Variants in ASAP2 observed in about 807,000 individuals in gnomAD.
The protein encoded by ASAP2 is ArfGAP with SH3 domain, ankyrin repeat and PH domain 2.
Under a neutral mutation model 131.4 loss-of-function variants are expected in ASAP2, and 45 were observed. The ratio of observed to expected loss-of-function variants is 0.34; its 90% CI spans 0.27 to 0.44. The LOEUF is 0.44. Among genes scored for constraint, ASAP2 ranks in the 20% least tolerant of loss-of-function variants. The probability of loss-of-function intolerance (pLI) is 1.00; values close to 1 mark genes in which losing one functional copy is unlikely to be tolerated. For missense variants in ASAP2, 1,011 were observed against 1,297.0 expected (o/e 0.78, Z 3.39); for synonymous variants, 510 against 503.0 (o/e 1.01, Z -0.19).
Position 9,311,043 on chromosome 2 carries a change from G to GT in ASAP2, c.346-7481_346-7480insT, listed in dbSNP as rs1410364101. Among the ~76,000 whole-genome samples, 1 of 151,952 alleles carries GT rather than the reference G, an allele frequency of 6.6e-6. No individual in the cohort carries two copies. The highest frequency in any genetic ancestry group is 1.5e-5 in the Non-Finnish European group (1 of 68,006). ...TGTCAGACATATCCAAGTGAACTCG[G>GT]GGGGAAAAGCTAAGACAGGAAGTAG... On this transcript the variant is annotated intron_variant, in intron 3 of 27. Transcript: ENST00000281419. This position sits in a 1 kb window ranked among gnomAD's most constrained non-coding sequence, Gnocchi z 5.2.
At chr2:9,308,727 C>G (rs367911320) in intron 3 of ASAP2, among the ~76,000 whole-genome samples, 1 of 152,090 alleles carries the variant, frequency 6.6e-6, no homozygotes, top group South Asian at 2.1e-4. Flanking sequence ...ACTGTTCTAG[C>G]CAACTCCGCT....
At chr2:9,305,266 T>C (rs1347182024) in intron 3 of ASAP2, among the ~76,000 whole-genome samples, 11 of 150,304 alleles carry the variant, frequency 7.3e-5, no homozygotes, top group African/African-American at 2.2e-4. Flanking sequence ...GGAGGGGCTG[T>C]AATAGTGGGG....
At chr2:9,306,247 A>G (rs1668932295) in intron 3 of ASAP2, among the ~76,000 whole-genome samples, 1 of 145,168 alleles carries the variant, frequency 6.9e-6, no homozygotes, top group Non-Finnish European at 1.5e-5. Flanking sequence ...GGGGGTGGAG[A>G]TATGGCCTGG....
chr2:9,315,598 G>A (rs1345129587), intron 3 of ASAP2, among the ~76,000 whole-genome samples: 2 of 152,018 alleles, frequency 1.3e-5, no homozygotes, highest in Non-Finnish European at 2.9e-5. Context: ...AGGGAAATGT[G>A]GCCCTGGAGG....
intron 9 of ASAP2, among the ~76,000 whole-genome samples, chr2:9,339,700 C>T (rs891244183): frequency 6.6e-6 from 1 of 151,992 alleles, no homozygotes; most frequent in African/African-American, 2.4e-5. Flanking sequence ...CTTGTTGGTC[C>T]GTCCTCTGGC....
At chr2:9,377,890 C>T (rs530004668) in intron 18 of ASAP2, among the ~76,000 whole-genome samples, 1 of 152,216 alleles carries the variant, frequency 6.6e-6, no homozygotes, top group East Asian at 1.9e-4. Flanking sequence ...GTGGAAGCTG[C>T]CCTGATGCCC....
At chr2:9,297,829 C>T (rs899225720) in intron 3 of ASAP2, among the ~76,000 whole-genome samples, 3 of 152,172 alleles carry the variant, frequency 2.0e-5, no homozygotes, top group African/African-American at 7.2e-5. Flanking sequence ...GCCCATCTTA[C>T]ACAGCAAGGT....
chr2:9,217,911 G>A lies in ASAP2; in HGVS notation c.126+10681G>A, dbSNP rs1189991751. ...TTACAGGTGTGAGCCACCACGCCTG[G>A]CTTTTTTTTTTTTTTACATGAAAAA... On this transcript the variant is annotated intron_variant, in intron 1 of 27. Transcript: ENST00000281419. This position sits in a 1 kb window ranked among gnomAD's most constrained non-coding sequence, Gnocchi z 4.0. 9.3e-6 allele frequency among the ~76,000 whole-genome samples: 1 copy of A among 107,782 alleles called. No individual in the cohort carries two copies. Among genetic ancestry groups the A allele is most frequent in the Non-Finnish European group, 1.9e-5 (1 of 53,246 alleles). 70.7% of individuals were successfully genotyped at this position (107,782 alleles called of 152,430 possible). A position where few individuals can be genotyped will look rare whatever the true frequency, so the allele number is the denominator to read the frequency against.
chr2:9,249,385 T>A (rs894159450), intron 1 of ASAP2, among the ~76,000 whole-genome samples: 1 of 152,212 alleles, frequency 6.6e-6, no homozygotes, highest in African/African-American at 2.4e-5. Flanking sequence ...TTCATTTCTC[T>A]GATGATTGTA....
chr2:9,258,832 A>G (rs951252785), intron 1 of ASAP2, among the ~76,000 whole-genome samples: 16 of 152,118 alleles, frequency 1.1e-4, no homozygotes, highest in African/African-American at 3.9e-4. Context: ...TCTCCTCTTC[A>G]CTTCTCAAAC....
intron 24 of ASAP2, among the ~76,000 whole-genome samples, chr2:9,396,280 A>G (rs1051846388): frequency 1.1e-4 from 16 of 151,996 alleles, no homozygotes; most frequent in African/African-American, 3.9e-4. Context: ...CCTGAGATCA[A>G]CTAGGTTGAC....
chr2:9,215,926 C>A (rs1159230696), intron 1 of ASAP2, among the ~76,000 whole-genome samples: 1 of 152,136 alleles, frequency 6.6e-6, no homozygotes, highest in African/African-American at 2.4e-5. Context: ...GGCAGCTTCT[C>A]ATCTGATCCC....
intron 1 of ASAP2, among the ~76,000 whole-genome samples, chr2:9,253,631 C>G (rs1427856611): frequency 6.6e-6 from 1 of 152,136 alleles, no homozygotes; most frequent in Non-Finnish European, 1.5e-5. Context: ...ACAATTTTGC[C>G]TTTCTTAGAA....
chr2:9,317,512 C>CA (rs1305039328), intron 3 of ASAP2, among the ~76,000 whole-genome samples: 8 of 150,674 alleles, frequency 5.3e-5, no homozygotes, highest in South Asian at 2.1e-4. Context: ...TACACCCCCA[C>CA]AATCACACCC....
chr2:9,295,943 G>A (rs1270385841), intron 2 of ASAP2, among the ~76,000 whole-genome samples: 1 of 152,166 alleles, frequency 6.6e-6, no homozygotes, highest in Non-Finnish European at 1.5e-5. Flanking sequence ...TGCCCTCCAG[G>A]AACAAATGTT....
At chr2:9,256,759 A>G (rs1665192132) in intron 1 of ASAP2, among the ~76,000 whole-genome samples, 1 of 152,216 alleles carries the variant, frequency 6.6e-6, no homozygotes, top group Non-Finnish European at 1.5e-5. Context: ...GATGGTATGC[A>G]TTTGAGCAAT....
rs374579538 is a variant in ASAP2 at position 9,350,915 on chromosome 2, G to A, written c.1111+20G>A. On this transcript the variant is annotated intron_variant, in intron 12 of 27. Coordinates refer to ENST00000281419, the MANE Select transcript of ASAP2 (RefSeq NM_003887.3). ...TTTCACGTAAGGCTCCCTCTGAGAT[G>A]CCGCGCCATAGAGACGTTGTCTTAT... is the stretch of plus-strand genomic sequence containing the variant. The A allele has an allele frequency of 2.0e-5, 32 of 1,580,866 alleles. No individual in the cohort carries two copies. Among genetic ancestry groups the A allele is most frequent in the Non-Finnish European group, 2.8e-5 (32 of 1,154,254 alleles).
rs544625321 is a variant in ASAP2 at position 9,337,475 on chromosome 2, T to C, written c.849+2296T>C. ...GTCATTCCCTTTGGTTGGATTTTCT[T>C]CTGTGACTTAGACAACTGAAGGTGT... is the stretch of plus-strand genomic sequence containing the variant. On this transcript the variant is annotated intron_variant, in intron 9 of 27. Transcript: ENST00000281419. Among the ~76,000 whole-genome samples the C allele has an allele frequency of 4.6e-5, 7 of 152,352 alleles. No homozygotes were observed. In the South Asian group the frequency reaches 1.5e-3, roughly 32 times the overall value.
Position 9,374,294 on chromosome 2 carries a change from C to G in ASAP2, c.1557-461C>G, listed in dbSNP as rs1330226771. Reference sequence around the variant, plus strand: ...GTCATAGTCCATGCCCCAAGGAGCTCATGGGCCTGTCGGGCAGTGAGGCAG... The same window carrying G: ...GTCATAGTCCATGCCCCAAGGAGCTGATGGGCCTGTCGGGCAGTGAGGCAG... On this transcript the variant is annotated intron_variant, in intron 16 of 27. Transcript: ENST00000281419. Among the ~76,000 whole-genome samples the G allele has an allele frequency of 2.6e-5, 4 of 152,232 alleles. No homozygotes were observed. The South Asian group carries it at 6.2e-4, about 24-fold the overall frequency.
Sources: allele counts gnomAD v4.1 joint callset (sites outside exome capture counted in the v4.1 genomes callset), GRCh38; gene constraint gnomAD v4.1.1; non-coding constraint Gnocchi (gnomAD v3.1); transcripts MANE v1.5; gene names NCBI Gene and HGNC (gene_info 2026-07-23, HGNC 2026-07-21).